The following EPHB1 variants were observed in gnomAD, a reference collection of about 807,000 sequenced individuals.
EPHB1 encodes ephrin type-B receptor 1.
In EPHB1, 30 loss-of-function variants were observed where a neutral mutation model predicts 94.4. The ratio of observed to expected loss-of-function variants is 0.32; its 90% CI spans 0.24 to 0.43. The LOEUF is 0.43. EPHB1 is among the 20% of genes least tolerant of loss of function. EPHB1 has a pLI of 1.00. For missense variants in EPHB1, 1,055 were observed against 1,308.3 expected (o/e 0.81, Z 2.99); for synonymous variants, 522 against 489.1 (o/e 1.07, Z -0.89).
chr3:135,216,577 G>A (rs765077969), intron 12 of EPHB1, among the ~76,000 whole-genome samples: 2 of 151,772 alleles, frequency 1.3e-5, no homozygotes, highest in Admixed American at 6.6e-5. Flanking sequence ...AAAAAAATTA[G>A]CCAAGTGTAC....
intron 3 of EPHB1, among the ~76,000 whole-genome samples, chr3:135,031,331 A>T (rs1315747988): frequency 6.7e-6 from 1 of 150,170 alleles, no homozygotes; most frequent in Non-Finnish European, 1.5e-5. Flanking sequence ...CTGTTTCTTG[A>T]TGGGGTCTCA....
At chr3:134,899,702 G>T (rs2038160960) in intron 1 of EPHB1, among the ~76,000 whole-genome samples, 2 of 152,080 alleles carry the variant, frequency 1.3e-5, no homozygotes, top group Non-Finnish European at 2.9e-5. Flanking sequence ...AAGAGACAGG[G>T]TCTCACTCTG....
chr3:134,985,013 C>T (rs958939933), intron 3 of EPHB1, among the ~76,000 whole-genome samples: 3 of 152,090 alleles, frequency 2.0e-5, no homozygotes, highest in African/African-American at 4.8e-5. Flanking sequence ...GGACCAGCAC[C>T]CTGATGTAAG....
intron 1 of EPHB1, among the ~76,000 whole-genome samples, chr3:134,860,829 C>T (rs1054481633): frequency 1.0e-4 from 14 of 140,198 alleles, no homozygotes; most frequent in East Asian, 2.2e-4. Context: ...GATTTCTTGA[C>T]GCTGTCCTGT....
chr3:135,167,165 G>A (rs992393381), intron 9 of EPHB1, among the ~76,000 whole-genome samples, 159 bp downstream of exon 9: 6 of 152,158 alleles, frequency 3.9e-5, no homozygotes, highest in African/African-American at 1.4e-4. Context: ...GTCCCCAGGG[G>A]CAACAGGCTA....
chr3:134,982,269 T>A (rs181732104), intron 3 of EPHB1, among the ~76,000 whole-genome samples: 3 of 152,224 alleles, frequency 2.0e-5, no homozygotes, highest in Admixed American at 1.3e-4. Flanking sequence ...CATCCAGTGA[T>A]TTCTGATCAT....
In EPHB1 at chr3:134,967,106, T is replaced by C. The variant is rs74825829; in HGVS notation, c.805+15054T>C. On this transcript the variant is annotated intron_variant, in intron 3 of 15. Coordinates refer to ENST00000398015, the MANE Select transcript of EPHB1 (RefSeq NM_004441.5). The stretch of plus-strand genomic sequence containing the variant: ...AGGGAGGGACACATGGTGAAAAGAC[T>C]CCTCTAGAGATGCATTTTCTTCAGG... 6.4e-3 allele frequency among the ~76,000 whole-genome samples: 982 copies of C among 152,294 alleles called. 8 individuals are homozygous for C. Among genetic ancestry groups the C allele is most frequent in the African/African-American group, 0.022 (929 of 41,572 alleles).
intron 1 of EPHB1, among the ~76,000 whole-genome samples, chr3:134,920,171 G>A (rs2038655267): frequency 6.6e-6 from 1 of 152,090 alleles, no homozygotes; most frequent in Non-Finnish European, 1.5e-5. Context: ...TGCTTGCACA[G>A]CACTCCCTTC....
chr3:134,825,383 C>T (rs765980781), intron 1 of EPHB1, among the ~76,000 whole-genome samples: 1 of 152,250 alleles, frequency 6.6e-6, no homozygotes, highest in Non-Finnish European at 1.5e-5. Flanking sequence ...TTCATTTCAT[C>T]TGGTTGGGTT....
chr3:135,143,264 G>T (rs896056292), intron 5 of EPHB1, among the ~76,000 whole-genome samples: 2 of 152,140 alleles, frequency 1.3e-5, no homozygotes, highest in Non-Finnish European at 2.9e-5. Context: ...GCTAAAGAGT[G>T]GGCATGGCAG....
At chr3:135,096,810 A>G (rs1938787047) in intron 3 of EPHB1, among the ~76,000 whole-genome samples, 1 of 152,330 alleles carries the variant, frequency 6.6e-6, no homozygotes, top group East Asian at 1.9e-4. Flanking sequence ...GTAGTATCAT[A>G]TTCGGGGCCA....
rs139771459 is a variant in EPHB1, at chr3:135,086,402, G to A, written c.806-20046G>A. On this transcript the variant is annotated intron_variant, in intron 3 of 15. Coordinates refer to ENST00000398015, the MANE Select transcript of EPHB1 (RefSeq NM_004441.5). ...TTATTTCAAGACTCAGTTCGACATC[G>A]TGCCCCACTTCAAGACTTCCCAGCT... is the stretch of plus-strand genomic sequence containing the variant. Among the ~76,000 whole-genome samples the A allele has an allele frequency of 1.9e-3, 288 of 151,802 alleles. 4 individuals carry two copies. The highest frequency in any genetic ancestry group is 6.7e-3 in the African/African-American group (278 of 41,410).
chr3:134,948,124 G>A (rs2039247173), intron 2 of EPHB1, among the ~76,000 whole-genome samples: 1 of 152,000 alleles, frequency 6.6e-6, no homozygotes, highest in Admixed American at 6.6e-5. Flanking sequence ...CCTCCTGGTG[G>A]TGACTGTCTC....
At chr3:135,216,681 C>A (rs1391697954) in intron 12 of EPHB1, among the ~76,000 whole-genome samples, 1 of 146,942 alleles carries the variant, frequency 6.8e-6, no homozygotes, top group Non-Finnish European at 1.5e-5. Flanking sequence ...CGAGATCATG[C>A]CACTGCACTC....
Position 134,993,608 on chromosome 3 carries a change from A to G in EPHB1, c.805+41556A>G, listed in dbSNP as rs778505596. 1.6e-3 allele frequency among the ~76,000 whole-genome samples: 244 copies of G among 152,270 alleles called. 1 individual carries two copies. Among genetic ancestry groups the G allele is most frequent in the Non-Finnish European group, 2.4e-3 (164 of 68,012 alleles). On this transcript the variant is annotated intron_variant, in intron 3 of 15. Transcript: ENST00000398015. ...GACTGAGAGCTCTGGAGGGATGTAC[A>G]GTGTTGGCCTGCAGCATAGATGAGG...
chr3:135,203,516 A>G (rs767800013), intron 12 of EPHB1, among the ~76,000 whole-genome samples: 2 of 152,228 alleles, frequency 1.3e-5, no homozygotes, highest in African/African-American at 4.8e-5. Flanking sequence ...TTTGCCGGCT[A>G]AGAGGCAAAA....
At chr3:135,115,726 CTTA>C (rs1372640577) in intron 4 of EPHB1, among the ~76,000 whole-genome samples, 2 of 152,126 alleles carry the variant, frequency 1.3e-5, no homozygotes, top group Non-Finnish European at 2.9e-5. Context: ...GGTCGCCTAA[CTTA>C]TCTGAATCTC....
At chr3:134,882,765 C>CCTTCCTTTCTTT (rs1553861897) in intron 1 of EPHB1, among the ~76,000 whole-genome samples, 38 of 79,920 alleles carry the variant, frequency 4.8e-4, no homozygotes, top group African/African-American at 1.4e-3. Flanking sequence ...TTCCTTCCTT[C>CCTTCCTTTCTTT]CTTTCTTTCT....
intron 1 of EPHB1, among the ~76,000 whole-genome samples, chr3:134,820,491 C>T (rs2036359258): frequency 1.3e-5 from 2 of 152,118 alleles, no homozygotes; most frequent in Admixed American, 6.5e-5. Flanking sequence ...AGAGAAGAAT[C>T]GGGGGGAAGA....
Sources: allele counts gnomAD v4.1 joint callset (sites outside exome capture counted in the v4.1 genomes callset), GRCh38; gene constraint gnomAD v4.1.1; transcripts MANE v1.5; gene names NCBI Gene and HGNC (gene_info 2026-07-23, HGNC 2026-07-21).